Variants in MINAR1 observed in about 807,000 individuals in gnomAD.
MINAR1 encodes the protein major intrinsically disordered Notch2-binding receptor 1.
A neutral mutation model predicts 65.1 loss-of-function variants in MINAR1; 40 were observed. The ratio of observed to expected loss-of-function variants is 0.61; its 90% CI spans 0.48 to 0.80. The LOEUF (loss-of-function observed/expected upper bound fraction) is 0.80, where lower values mean the gene tolerates loss of function less well. Ranked by LOEUF, MINAR1 falls within the 30% of genes least tolerant of loss-of-function variation. The pLI is 0.00. For synonymous variants in MINAR1, 482 were observed against 449.1 expected (o/e 1.07, Z -0.93); for missense variants, 1,128 against 1,148.0 (o/e 0.98, Z 0.25).
At chr15:79,429,381 T>A (rs1894388623), upstream of MINAR1, among the ~76,000 whole-genome samples, 1 of 152,252 alleles carries the variant, frequency 6.6e-6, no homozygotes, top group Non-Finnish European at 1.5e-5. Flanking sequence ...CATAGGTGGT[T>A]TATATCACTT....
the MINAR1 span, chr15:79,413,946 C>A: frequency 6.6e-6 from 1 of 152,216 alleles, no homozygotes. Flanking sequence ...ATTCCACCTT[C>A]TACTGAAAAT....
At chr15:79,429,890 G>A (rs894464645), upstream of MINAR1, among the ~76,000 whole-genome samples, 1 of 152,224 alleles carries the variant, frequency 6.6e-6, no homozygotes, top group East Asian at 1.9e-4. Flanking sequence ...TCTTCCCAGA[G>A]AGGGGGGCAT....
rs77506331 is a variant in MINAR1, at chr15:79,471,457, T to C, written c.*3073T>C. 1 of 152,666 alleles carries C rather than the reference T, an allele frequency of 6.6e-6. No homozygotes were observed. The highest frequency in any genetic ancestry group is 1.5e-5 in the Non-Finnish European group (1 of 68,042). The allele number at this position is 152,666 out of a possible 1,614,324, so 9.5% of individuals were successfully genotyped here. ...CCCCGCTCAAATTTTGCCGACATTTTATACCAGTATCCCCTTCATTACAGT... is the reference window on the plus strand; with the variant it reads ...CCCCGCTCAAATTTTGCCGACATTTCATACCAGTATCCCCTTCATTACAGT... On this transcript the variant is annotated 3_prime_UTR_variant, in exon 4 of 4. Transcript: ENST00000305428.
At chr15:79,444,705 G>A (rs2865695) in intron 1 of MINAR1, among the ~76,000 whole-genome samples, 80,811 of 151,552 alleles carry the variant, frequency 0.53, 22,443 homozygotes, top group Admixed American at 0.63. Context: ...AGACCTGTAT[G>A]TTTAAATTTC....
Position 79,468,204 on chromosome 15 carries a change from C to A in MINAR1, c.2571C>A (p.Asn857Lys). Residue 857 changes from asparagine (N) to lysine (K), a missense_variant, in exon 4 of 4, where the codon AAC becomes AAA. Transcript: ENST00000305428. ...GCTTTTAGACGCAAGAATCTTTAAA[C>A]CCAAATAATTTAGAGTACTGGATGG... The part of the protein sequence containing the change: ...ALDLQTQESL[N>K]PNNLEYWMED... 2 of 1,613,786 alleles carry A rather than the reference C, an allele frequency of 1.2e-6. No individual in the cohort carries two copies. Among genetic ancestry groups the A allele is most frequent in the Non-Finnish European group, 1.7e-6 (2 of 1,179,784 alleles).
At position 79,457,334 on chromosome 15, in the gene MINAR1, C is replaced by T. The variant is rs1895468237; in HGVS notation, c.1187C>T (p.Pro396Leu). The change falls in exon 2 of 4, where the codon CCA (proline) becomes CTA (leucine). Residue 396 changes from proline to leucine, a missense_variant. Pro to Leu is a moderately conservative substitution (Grantham distance 98). Coordinates refer to ENST00000305428, the MANE Select transcript of MINAR1 (RefSeq NM_015206.3). ...CCCTCCGAGGAGAAGCTACACTATC[C>T]AAATGCCAGTAGCCAGACCCCCAAT... ...RNPSEEKLHY[P>L]NASSQTPNFP... 1.2e-6 allele frequency: 2 copies of T among 1,614,064 alleles called. No individual in the cohort carries two copies. Among genetic ancestry groups the T allele is most frequent in the Non-Finnish European group, 1.7e-6 (2 of 1,180,048 alleles).
the MINAR1 span, chr15:79,419,058 C>T: frequency 6.6e-6 from 1 of 152,224 alleles, no homozygotes; most frequent in Non-Finnish European, 1.5e-5. Flanking sequence ...AGGAACACAT[C>T]GACCCTACTG....
intron 1 of MINAR1, among the ~76,000 whole-genome samples, chr15:79,443,394 C>T (rs1195500181): frequency 6.6e-6 from 1 of 152,198 alleles, no homozygotes. Context: ...CATTCAAGGT[C>T]CTCCTGGTTT....
intron 1 of MINAR1, 38 bp from the exon 2 acceptor site, chr15:79,456,057 ATCC>A: frequency 7.6e-7 from 1 of 1,319,626 alleles, no homozygotes; most frequent in Non-Finnish European, 1.0e-6. Context: ...GGTGTTTATA[ATCC>A]TCTTTTCCTC....
chr15:79,442,075 T>C (rs889473922), intron 1 of MINAR1, among the ~76,000 whole-genome samples: 1 of 151,752 alleles, frequency 6.6e-6, no homozygotes, highest in African/African-American at 2.4e-5. Context: ...GTTTTTTTTT[T>C]ATGTTTACTG....
chr15:79,427,940 G>A (rs979695218), upstream of MINAR1, among the ~76,000 whole-genome samples: 1 of 152,110 alleles, frequency 6.6e-6, no homozygotes, highest in Non-Finnish European at 1.5e-5. Context: ...CACTAATCAC[G>A]GGGTACCCAT....
chr15:79,471,310 T>A lies in MINAR1; in HGVS notation c.*2926T>A, dbSNP rs1034752059. On this transcript the variant is annotated 3_prime_UTR_variant, in exon 4 of 4. Coordinates refer to ENST00000305428, the MANE Select transcript of MINAR1 (RefSeq NM_015206.3). The stretch of plus-strand genomic sequence containing the variant: ...AATAAAATATTATTTGAGATTATTT[T>A]GAAATTAAATATCCTTAACCAATGA... 13 of 152,672 alleles carry A rather than the reference T, an allele frequency of 8.5e-5. No homozygotes were observed. Among genetic ancestry groups the A allele is most frequent in the African/African-American group, 3.1e-4 (13 of 41,470 alleles). 9.5% of individuals were successfully genotyped at this position (152,672 alleles called of 1,614,324 possible).
chr15:79,426,604 G>A, the MINAR1 span: 1 of 152,274 alleles, frequency 6.6e-6, no homozygotes, highest in African/African-American at 2.4e-5. Flanking sequence ...ATTCAGTGGA[G>A]CATGGATTAA....
At chr15:79,437,944 AGTGT>A (rs1894682599) in intron 1 of MINAR1, among the ~76,000 whole-genome samples, 1 of 1,280 alleles carries the variant, frequency 7.8e-4, no homozygotes, top group Non-Finnish European at 1.5e-3. Flanking sequence ...GGTGGTAGTG[AGTGT>A]GTGGGGTGTG....
intron 1 of MINAR1, among the ~76,000 whole-genome samples, chr15:79,440,802 C>T (rs188495277): frequency 6.6e-6 from 1 of 152,276 alleles, no homozygotes; most frequent in East Asian, 1.9e-4. Flanking sequence ...CTTTCTAACC[C>T]CTTTTTCTGC....
At chr15:79,430,337 C>T (rs997781403), upstream of MINAR1, among the ~76,000 whole-genome samples, 5 of 151,924 alleles carry the variant, frequency 3.3e-5, no homozygotes, top group East Asian at 3.9e-4. Context: ...CATGAAGAAA[C>T]AGGAGAAAAA....
At position 79,456,659 on chromosome 15, in the gene MINAR1, C is replaced by T; in HGVS notation, c.512C>T (p.Pro171Leu). 2 of 1,614,170 alleles carry T rather than the reference C, an allele frequency of 1.2e-6. No individual in the cohort carries two copies. Among genetic ancestry groups the T allele is most frequent in the South Asian group, 1.1e-5 (1 of 91,082 alleles). Residue 171 changes from proline (P) to leucine (L), a missense_variant, in exon 2 of 4, where the codon CCT (proline) becomes CTT (leucine). Physicochemically the swap from Pro to Leu is moderately conservative, Grantham distance 98. Transcript: ENST00000305428. ...MDCKDCPQFV[P>L]ASEPNFLLGV... ...TGCAAGGACTGCCCACAGTTTGTCCCTGCCTCTGAGCCTAACTTCCTGTTG... is the reference window on the plus strand; with the variant it reads ...TGCAAGGACTGCCCACAGTTTGTCCTTGCCTCTGAGCCTAACTTCCTGTTG...
rs970791427 is a variant in MINAR1, at chr15:79,469,387, A to T, written c.*1003A>T. 4 of 150,126 alleles carry T rather than the reference A, an allele frequency of 2.7e-5. No homozygotes were observed. Among genetic ancestry groups the T allele is most frequent in the African/African-American group, 9.7e-5 (4 of 41,292 alleles). 9.3% of individuals were successfully genotyped at this position (150,126 alleles called of 1,614,324 possible). A position where few individuals can be genotyped will look rare whatever the true frequency, so the allele number is the denominator to read the frequency against. ...AATATCTGCCATTTTCAATGGCTTT[A>T]AAAAGATTTTGAAAGCTTGCTCAAT... On this transcript the variant is annotated 3_prime_UTR_variant, in exon 4 of 4. Transcript: ENST00000305428.
intron 1 of MINAR1, among the ~76,000 whole-genome samples, chr15:79,441,490 C>A (rs1894868163): frequency 6.6e-6 from 1 of 151,690 alleles, no homozygotes; most frequent in Admixed American, 6.5e-5. Context: ...AAGATTATTG[C>A]TAATTTTTTC....
Sources: gnomAD v4.1 joint callset for allele counts (sites outside exome capture counted in the v4.1 genomes callset) on GRCh38, gnomAD v4.1.1 for gene constraint, MANE v1.5 for transcripts, NCBI Gene and HGNC (gene_info 2026-07-23, HGNC 2026-07-21) for gene names.